The following WWC1 variants were observed in gnomAD, a reference collection of about 807,000 sequenced individuals.
WWC1 encodes the protein protein KIBRA.
Under a neutral mutation model 138.4 loss-of-function variants are expected in WWC1, and 55 were observed. The ratio of observed to expected loss-of-function variants is 0.40; its 90% confidence interval spans 0.32 to 0.50. The LOEUF (loss-of-function observed/expected upper bound fraction) is 0.50. Ranked by LOEUF, WWC1 falls within the 20% of genes least tolerant of loss-of-function variation. The pLI, the probability that WWC1 is intolerant of heterozygous loss-of-function variation, is 0.72. For missense variants in WWC1, 1,226 were observed against 1,420.4 expected (o/e 0.86, Z 2.20); for synonymous variants, 524 against 564.9 (o/e 0.93, Z 1.03).
At chr5:168,404,230 A>G (rs1407603636) in intron 5 of WWC1, among the ~76,000 whole-genome samples, 1 of 152,182 alleles carries the variant, frequency 6.6e-6, no homozygotes, top group Admixed American at 6.5e-5. Flanking sequence ...CCAACAAACA[A>G]CAACTCCCTG....
chr5:168,336,571 C>CAAAAAA (rs57339649), intron 1 of WWC1, among the ~76,000 whole-genome samples: 48 of 57,834 alleles, frequency 8.3e-4, no homozygotes, highest in East Asian at 1.7e-3. Context: ...GACTCTGTCT[C>CAAAAAA]AAAAAAAAAA....
intron 1 of WWC1, among the ~76,000 whole-genome samples, chr5:168,346,710 C>T (rs1370050292): frequency 1.3e-5 from 2 of 152,204 alleles, no homozygotes; most frequent in Non-Finnish European, 2.9e-5. Flanking sequence ...CCTCCCAGGG[C>T]CCATGCTTGG....
chr5:168,369,739 A>G (rs1582062831), intron 1 of WWC1, among the ~76,000 whole-genome samples: 1 of 152,130 alleles, frequency 6.6e-6, no homozygotes, highest in African/African-American at 2.4e-5. Flanking sequence ...GTACGTGAAC[A>G]CACCAGGTCC....
chr5:168,356,216 G>A (rs564298778), intron 1 of WWC1, among the ~76,000 whole-genome samples: 2 of 152,364 alleles, frequency 1.3e-5, no homozygotes, highest in African/African-American at 2.4e-5. Flanking sequence ...GCTGAAGAGC[G>A]TGTTTATTGT....
At chr5:168,408,466 C>A in intron 6 of WWC1, 41 bp from the exon 7 acceptor site, 1 of 1,605,704 alleles carries the variant, frequency 6.2e-7, no homozygotes, top group Non-Finnish European at 8.5e-7. Flanking sequence ...GAGCTCCCTC[C>A]TGGGAAGGCG....
rs1409488555 is a variant in WWC1 at position 168,356,760 on chromosome 5, C to T, written c.120-14664C>T. Among the ~76,000 whole-genome samples the T allele has an allele frequency of 1.3e-5, 2 of 152,066 alleles. 1 individual carries two copies. Among genetic ancestry groups the T allele is most frequent in the East Asian group, 3.9e-4 (2 of 5,180 alleles). ...AGGAGACAGAGGCCTTGTTTGCTACCCAGTGGGTTATGCATTCCCAGGGGA... is the reference window on the plus strand; with the variant it reads ...AGGAGACAGAGGCCTTGTTTGCTACTCAGTGGGTTATGCATTCCCAGGGGA... On this transcript the variant is annotated intron_variant, in intron 1 of 22. Coordinates refer to ENST00000265293, the MANE Select transcript of WWC1 (RefSeq NM_015238.3).
chr5:168,430,106 T>C (rs201524232), intron 13 of WWC1, 31 bp from the exon 14 acceptor site: 115 of 1,524,270 alleles, frequency 7.5e-5, no homozygotes, highest in Middle Eastern at 1.7e-4. Flanking sequence ...GTGTTACTAA[T>C]AGGTACTTCA....
chr5:168,435,234 T>C (rs1782260515), intron 15 of WWC1, among the ~76,000 whole-genome samples: 1 of 152,146 alleles, frequency 6.6e-6, no homozygotes, highest in East Asian at 1.9e-4. Context: ...GCCATTTCCC[T>C]GGCTTCTGAG....
chr5:168,460,626 G>C (rs886921140), intron 19 of WWC1, 24 bp from the exon 20 acceptor site: 1 of 1,612,500 alleles, frequency 6.2e-7, no homozygotes, highest in African/African-American at 1.3e-5. Flanking sequence ...CCATGTTTAA[G>C]ATTCCATGAC....
chr5:168,463,063 T>G (rs1460670494), intron 20 of WWC1, among the ~76,000 whole-genome samples: 2 of 152,220 alleles, frequency 1.3e-5, no homozygotes, highest in Non-Finnish European at 2.9e-5. Flanking sequence ...TGGTAATGCT[T>G]CTTATACTGT....
At chr5:168,380,534 G>C (rs949632527) in intron 2 of WWC1, among the ~76,000 whole-genome samples, 2 of 152,154 alleles carry the variant, frequency 1.3e-5, no homozygotes, top group African/African-American at 4.8e-5. Flanking sequence ...CCAACTGCTA[G>C]CAAGGATGTG....
chr5:168,337,195 ACT>A (rs747787305), intron 1 of WWC1, among the ~76,000 whole-genome samples: 1 of 151,898 alleles, frequency 6.6e-6, no homozygotes, highest in Non-Finnish European at 1.5e-5. Flanking sequence ...TGGTTTTGTA[ACT>A]CTCTCCCCAC....
intron 1 of WWC1, among the ~76,000 whole-genome samples, chr5:168,335,390 A>C (rs1478543752): frequency 6.6e-6 from 1 of 152,212 alleles, no homozygotes; most frequent in Non-Finnish European, 1.5e-5. Flanking sequence ...GGAGGCAGAG[A>C]CTGGAGGATA....
At chr5:168,338,098 G>A (rs1178030079) in intron 1 of WWC1, among the ~76,000 whole-genome samples, 2 of 151,976 alleles carry the variant, frequency 1.3e-5, no homozygotes, top group Non-Finnish European at 2.9e-5. Flanking sequence ...ATCACCTGAG[G>A]TCAGGAGTTC....
In WWC1 at chr5:168,292,159, C is replaced by A. The variant is rs750311017; in HGVS notation, c.7C>A (p.Arg3=). 1.3e-6 allele frequency: 2 copies of A among 1,539,962 alleles called. No homozygotes were observed. Among genetic ancestry groups the A allele is most frequent in the South Asian group, 2.4e-5 (2 of 82,358 alleles). ...GCCGGCAGCGCTTGGGAAGATGCCCCGGCCGGAGCTGCCCCTGCCGGAGGG... is the reference window on the plus strand; with the variant it reads ...GCCGGCAGCGCTTGGGAAGATGCCCAGGCCGGAGCTGCCCCTGCCGGAGGG... MP[R]PELPLPEGWE... is the part of the protein sequence containing the mutation. The change falls in exon 1 of 23, where the codon CGG becomes AGG. Residue 3 remains arginine, a synonymous_variant. Transcript: ENST00000265293. This position sits in a 1 kb window ranked among gnomAD's most constrained non-coding sequence, Gnocchi z 4.4.
intron 9 of WWC1, chr5:168,416,036 C>T (rs1172971537): frequency 6.6e-6 from 1 of 152,018 alleles, no homozygotes; most frequent in African/African-American, 2.4e-5. Flanking sequence ...TTCCAGAGAG[C>T]CTTTGAGCTC....
intron 3 of WWC1, among the ~76,000 whole-genome samples, chr5:168,388,300 A>G (rs1402151742): frequency 1.4e-5 from 2 of 147,768 alleles, no homozygotes; most frequent in African/African-American, 5.0e-5. Context: ...TTTTTTTTTT[A>G]AAGCCTAAAG....
chr5:168,347,392 C>T (rs112754997), intron 1 of WWC1, among the ~76,000 whole-genome samples: 30 of 152,344 alleles, frequency 2.0e-4, no homozygotes, highest in African/African-American at 7.2e-4. Flanking sequence ...AGTTGATCAC[C>T]CTGGCCTTGC....
intron 21 of WWC1, among the ~76,000 whole-genome samples, chr5:168,467,493 A>G (rs1341696276): frequency 6.6e-6 from 1 of 152,124 alleles, no homozygotes; most frequent in Non-Finnish European, 1.5e-5. Context: ...ACATTAAAGA[A>G]ATTTCTTACT....
Sources: gnomAD v4.1 joint callset for allele counts (sites outside exome capture counted in the v4.1 genomes callset) on GRCh38, gnomAD v4.1.1 for gene constraint, Gnocchi (gnomAD v3.1) non-coding constraint, MANE v1.5 for transcripts, NCBI Gene and HGNC (gene_info 2026-07-23, HGNC 2026-07-21) for gene names.